Variants in DIAPH3 observed in about 807,000 individuals in gnomAD.
DIAPH3 encodes the protein protein diaphanous homolog 3.
Under a neutral mutation model 144.3 loss-of-function variants are expected in DIAPH3, and 117 were observed. The observed-to-expected ratio is 0.81, with a 90% CI of 0.70 to 0.95. The LOEUF (loss-of-function observed/expected upper bound fraction) is 0.95, where lower values mean the gene tolerates loss of function less well. DIAPH3 is among the 40% of genes least tolerant of loss of function. DIAPH3 has a pLI of 0.00. For synonymous variants in DIAPH3, 519 were observed against 488.9 expected, an observed-to-expected ratio of 1.06 and a Z score of -0.81; for missense variants, 1,421 against 1,412.7, an observed-to-expected ratio of 1.01 and a Z score of -0.09.
chr13:59,750,263 G>GT, intron 27 of DIAPH3, among the ~76,000 whole-genome samples: 1 of 152,198 alleles, frequency 6.6e-6, no homozygotes, highest in Non-Finnish European at 1.5e-5. Flanking sequence ...TTATTGCTAT[G>GT]TTTACACAAT....
chr13:59,826,988 G>A (rs1314395518), intron 24 of DIAPH3, among the ~76,000 whole-genome samples: 2 of 152,114 alleles, frequency 1.3e-5, no homozygotes, highest in African/African-American at 4.8e-5. Flanking sequence ...TATGGAGAAA[G>A]CTGAAACTGG....
At chr13:59,983,629 G>GT in intron 13 of DIAPH3, 140 bp downstream of exon 13, 1 of 619,174 alleles carries the variant, frequency 1.6e-6, no homozygotes, top group South Asian at 2.0e-5. Flanking sequence ...GGCGAATAAT[G>GT]TTTTTGTGCT....
intron 27 of DIAPH3, among the ~76,000 whole-genome samples, chr13:59,678,850 T>C (rs1472234665): frequency 1.3e-5 from 2 of 152,214 alleles, no homozygotes; most frequent in African/African-American, 2.4e-5. Context: ...TGAGTTAATA[T>C]AGCAGGAAAC....
intron 4 of DIAPH3, among the ~76,000 whole-genome samples, chr13:60,087,160 C>T (rs2057774150): frequency 6.6e-6 from 1 of 152,122 alleles, no homozygotes; most frequent in Non-Finnish European, 1.5e-5. Context: ...AATTGTTTTT[C>T]CAAATATTTT....
At chr13:59,848,526 C>T (rs1181745953) in intron 22 of DIAPH3, among the ~76,000 whole-genome samples, 3 of 142,290 alleles carry the variant, frequency 2.1e-5, no homozygotes, top group African/African-American at 7.8e-5. Context: ...TCCATGTGAT[C>T]TCATTGTTCA....
At position 60,163,567 on chromosome 13, in the gene DIAPH3, T is replaced by A. The variant is rs761907371; in HGVS notation, c.180+20A>T. On this transcript the variant is annotated intron_variant, in intron 1 of 27. Transcript: ENST00000400324. ...CGGCGGGGCGGGAGCGGCCCCACCC[T>A]AGCTCCAGGCGATACTCACAAACTT... 56 of 1,565,518 alleles carry A rather than the reference T, an allele frequency of 3.6e-5. No individual in the cohort carries two copies. Among genetic ancestry groups the A allele is most frequent in the African/African-American group, 5.4e-5 (4 of 74,226 alleles).
chr13:59,751,579 G>C (rs191347839), intron 27 of DIAPH3, among the ~76,000 whole-genome samples: 17 of 152,262 alleles, frequency 1.1e-4, no homozygotes, highest in Admixed American at 1.0e-3. Flanking sequence ...CCTGTAAAAA[G>C]TTAAGTTGCT....
In DIAPH3 at chr13:59,759,948, AAAACAAACAAAC is replaced by A. The variant is rs10636836; in HGVS notation, c.3319+14229_3319+14240del. Among the ~76,000 whole-genome samples, 223 of 150,126 alleles carry A rather than the reference AAAACAAACAAAC, an allele frequency of 1.5e-3. 1 individual carries two copies. The highest frequency in any genetic ancestry group is 5.5e-3 in the South Asian group (26 of 4,694). On this transcript the variant is annotated intron_variant, in intron 27 of 27. Transcript: ENST00000400324. ...GGGAGACAGTGTGAGACTCCATCTC[AAAACAAACAAAC>A]AAACAAACAAACAAACAAACAAAAA...
At chr13:59,911,640 C>T (rs1388856042) in intron 20 of DIAPH3, 95 bp downstream of exon 20, 2 of 907,446 alleles carry the variant, frequency 2.2e-6, no homozygotes, top group Non-Finnish European at 3.6e-6. Context: ...TATGTGATTA[C>T]TCACATGCTT....
intron 20 of DIAPH3, among the ~76,000 whole-genome samples, chr13:59,902,576 CA>C (rs1186302019): frequency 6.6e-6 from 1 of 152,144 alleles, no homozygotes; most frequent in Non-Finnish European, 1.5e-5. Context: ...GAGTTCAAGA[CA>C]AGCCTGGCCA....
chr13:59,688,710 G>A (rs2033346866), intron 27 of DIAPH3, among the ~76,000 whole-genome samples: 1 of 151,986 alleles, frequency 6.6e-6, no homozygotes. Flanking sequence ...TGCTTCATAA[G>A]GGCAGGGTCT....
chr13:59,899,685 T>A (rs1300766085), intron 20 of DIAPH3, among the ~76,000 whole-genome samples: 2 of 152,194 alleles, frequency 1.3e-5, no homozygotes, highest in African/African-American at 2.4e-5. Context: ...AAACAGAACA[T>A]TATGTGACTG....
intron 24 of DIAPH3, among the ~76,000 whole-genome samples, chr13:59,823,899 T>A (rs2041221180): frequency 6.6e-6 from 1 of 152,184 alleles, no homozygotes; most frequent in Non-Finnish European, 1.5e-5. Flanking sequence ...GTCGGAGAAT[T>A]CAGTAGAATA....
In DIAPH3 at chr13:59,774,189, C is replaced by G; in HGVS notation, c.3319G>C (p.Glu1107Gln). 1 of 1,612,570 alleles carries G rather than the reference C, an allele frequency of 6.2e-7. No individual in the cohort carries two copies. The highest frequency in any genetic ancestry group is 8.5e-7 in the Non-Finnish European group (1 of 1,179,402). The change falls in exon 27 of 28, where the codon GAA (glutamate) becomes CAA (glutamine). Residue 1107 changes from glutamate to glutamine, a missense_variant and splice_region_variant. Physicochemically the swap from Glu to Gln is conservative, Grantham distance 29. Transcript: ENST00000400324. ...QRPVLKVCNH[E>Q]NQKVQLTEGS... ...GCAATTTATAAATACGGTTTATTAC[C>G]ATGGTTACAAACTTTCAGAACAGGC...
At chr13:60,046,979 T>C (rs1439048541) in intron 4 of DIAPH3, among the ~76,000 whole-genome samples, 1 of 150,540 alleles carries the variant, frequency 6.6e-6, no homozygotes, top group African/African-American at 2.4e-5. Context: ...TTTCGGGGGG[T>C]TGGGGGGCTA....
At chr13:59,824,550 T>G (rs868182957) in intron 24 of DIAPH3, among the ~76,000 whole-genome samples, 1 of 152,112 alleles carries the variant, frequency 6.6e-6, no homozygotes, top group Non-Finnish European at 1.5e-5. Context: ...CACTTAAGAT[T>G]TGAAGAAATC....
intron 3 of DIAPH3, among the ~76,000 whole-genome samples, chr13:60,107,181 G>A (rs1364870893): frequency 6.6e-6 from 1 of 151,964 alleles, no homozygotes; most frequent in African/African-American, 2.4e-5. Context: ...ACAGGATTAT[G>A]GGGCATTGAA....
At position 60,008,602 on chromosome 13, in the gene DIAPH3, T is replaced by C; in HGVS notation, c.956A>G (p.Lys319Arg). The stretch of plus-strand genomic sequence containing the variant: ...CACAATACAAAAAAATCTGTCAATT[T>C]TTTTTTCTTCACCAGCTGAAGTTAA... Reference protein sequence around the residue: ...EALTSAGEEKKIDRFFCIVEG... With the variant: ...EALTSAGEEKRIDRFFCIVEG... The change falls in exon 9 of 28, where the codon AAA (lysine) becomes AGA (arginine). Residue 319 changes from lysine to arginine, a missense_variant. Physicochemically the swap from Lys to Arg is conservative, Grantham distance 26. Coordinates refer to ENST00000400324, the MANE Select transcript of DIAPH3 (RefSeq NM_001042517.2). The C allele has an allele frequency of 6.2e-7, 1 of 1,613,850 alleles. No homozygotes were observed. The highest frequency in any genetic ancestry group is 2.2e-5 in the East Asian group (1 of 44,836).
At chr13:59,715,895 A>T (rs1411428349) in intron 27 of DIAPH3, among the ~76,000 whole-genome samples, 1 of 152,210 alleles carries the variant, frequency 6.6e-6, no homozygotes, top group Non-Finnish European at 1.5e-5. Context: ...TAAGGTATGC[A>T]AGAAGATAAT....
Sources: gnomAD v4.1 joint callset for allele counts (sites outside exome capture counted in the v4.1 genomes callset) on GRCh38, gnomAD v4.1.1 for gene constraint, MANE v1.5 for transcripts, NCBI Gene and HGNC (gene_info 2026-07-23, HGNC 2026-07-21) for gene names.